The following TRMT6 variants were observed in gnomAD, a reference collection of about 807,000 sequenced individuals.
The protein encoded by TRMT6 is tRNA (adenine(58)-N(1))-methyltransferase non-catalytic subunit TRM6.
Under a neutral mutation model 59.0 loss-of-function variants are expected in TRMT6, and 34 were observed. That is an observed-to-expected ratio of 0.58 (90% CI 0.44 to 0.77). The LOEUF is 0.77. TRMT6 is among the 30% of genes least tolerant of loss of function. The pLI is 0.00. For missense variants in TRMT6, 575 were observed against 604.5 expected, an observed-to-expected ratio of 0.95 and a Z score of 0.51; for synonymous variants, 217 against 210.5, an observed-to-expected ratio of 1.03 and a Z score of -0.27.
chr20:5,939,051 C>A (rs538505089), intron 10 of TRMT6, among the ~76,000 whole-genome samples: 1 of 152,216 alleles, frequency 6.6e-6, no homozygotes, highest in South Asian at 2.1e-4. Context: ...GAACCTCCCA[C>A]TTTGGCTTTC....
At position 5,941,945 on chromosome 20, in the gene TRMT6, A is replaced by G; in HGVS notation, c.1112+6T>C. ...AGGAGTCTCCTGCCTTCTTCCATCA[A>G]CGCACCCATCTGCGTTTCTTTCACT... On this transcript the variant is annotated splice_donor_region_variant and intron_variant, in intron 8 of 10. Transcript: ENST00000203001. The G allele has an allele frequency of 6.2e-7, 1 of 1,612,566 alleles. No homozygotes were observed. The highest frequency in any genetic ancestry group is 8.5e-7 in the Non-Finnish European group (1 of 1,179,512).
At chr20:5,941,501 T>A (rs1278707965) in intron 8 of TRMT6, 156 bp from the exon 9 acceptor site, 1 of 633,078 alleles carries the variant, frequency 1.6e-6, no homozygotes, top group African/African-American at 1.8e-5. Flanking sequence ...CAGAATACAA[T>A]CATGAGCTAT....
chr20:5,937,521 C>T lies in TRMT6; in HGVS notation c.*1014G>A, dbSNP rs2088618082. 1 of 152,164 alleles carries T rather than the reference C, an allele frequency of 6.6e-6. No homozygotes were observed. Among genetic ancestry groups the T allele is most frequent in the Admixed American group, 6.5e-5 (1 of 15,286 alleles). The allele number at this position is 152,164 out of a possible 1,614,324, so 9.4% of individuals were successfully genotyped here. ...GTTTTTCAGAGCTTAGAAAGGGTAA[C>T]CATCTAATCATGACAGAGTTCTTCA... On this transcript the variant is annotated 3_prime_UTR_variant, in exon 11 of 11. Transcript: ENST00000203001.
Position 5,938,657 on chromosome 20 carries a change from T to C in TRMT6, c.1372A>G (p.Thr458Ala), listed in dbSNP as rs1441696186. 1.9e-6 allele frequency: 3 copies of C among 1,614,114 alleles called. No individual in the cohort carries two copies. Among genetic ancestry groups the C allele is most frequent in the Non-Finnish European group, 2.5e-6 (3 of 1,180,044 alleles). The change falls in exon 11 of 11, where the codon ACC becomes GCC. Residue 458 changes from threonine (T) to alanine (A), a missense_variant. Coordinates refer to ENST00000203001, the MANE Select transcript of TRMT6 (RefSeq NM_015939.5). ...GGGGYLLSGF[T>A]VAMDNLKADT... Reference sequence around the variant, plus strand: ...GCTTTAAGGTTGTCCATGGCAACGGTGAAGCCGGAGAGAAGATAACCCCCA... The same window carrying C: ...GCTTTAAGGTTGTCCATGGCAACGGCGAAGCCGGAGAGAAGATAACCCCCA...
rs778840994 is a variant in TRMT6, at chr20:5,944,880, T to C, written c.291A>G (p.Ile97Met). Residue 97 changes from isoleucine to methionine, a missense_variant, in exon 3 of 11, where the codon ATA becomes ATG. Ile to Met is a conservative substitution (Grantham distance 10). Coordinates refer to ENST00000203001, the MANE Select transcript of TRMT6 (RefSeq NM_015939.5). ...TKEAGTDNRN[I>M]VDDGKSQKLT... is the part of the protein sequence containing the mutation. ...GTTTCTGAGATTTCCCATCATCAAC[T>C]ATATTTCGATTATCAGTGCCCGCTT... 1 of 1,614,050 alleles carries C rather than the reference T, an allele frequency of 6.2e-7. No homozygotes were observed. The highest frequency in any genetic ancestry group is 1.1e-5 in the South Asian group (1 of 91,078).
intron 7 of TRMT6, 95 bp downstream of exon 7, chr20:5,942,333 C>T (rs775036456): frequency 1.8e-6 from 2 of 1,093,482 alleles, no homozygotes; most frequent in Non-Finnish European, 1.4e-6. Flanking sequence ...ATCTTGGGAG[C>T]TAATACACCA....
Position 5,938,650 on chromosome 20 carries a change from G to A in TRMT6, c.1379C>T (p.Ala460Val). 1 of 1,614,182 alleles carries A rather than the reference G, an allele frequency of 6.2e-7. No homozygotes were observed. The highest frequency in any genetic ancestry group is 8.5e-7 in the Non-Finnish European group (1 of 1,180,028). ...GGYLLSGFTV[A>V]MDNLKADTSL... ...GGTGTCTGCTTTAAGGTTGTCCATG[G>A]CAACGGTGAAGCCGGAGAGAAGATA... is the stretch of plus-strand genomic sequence containing the variant. Residue 460 changes from alanine to valine, a missense_variant, in exon 11 of 11, where the codon GCC becomes GTC. Physicochemically the swap from Ala to Val is moderately conservative, Grantham distance 64. Transcript: ENST00000203001.
chr20:5,939,486 G>GA (rs376972151), intron 10 of TRMT6, among the ~76,000 whole-genome samples: 1,324 of 78,854 alleles, frequency 0.017, 20 homozygotes, highest in Middle Eastern at 0.043. Context: ...TCTCAAAAAT[G>GA]AAAAAAAAAA....
chr20:5,944,973 T>C (rs963710477), intron 2 of TRMT6, 59 bp from the exon 3 acceptor site: 12 of 1,390,738 alleles, frequency 8.6e-6, no homozygotes, highest in Non-Finnish European at 1.2e-5. Flanking sequence ...ACACTTTCTT[T>C]TTCTGAGTTC....
rs370683761 is a variant in TRMT6 at position 5,947,657 on chromosome 20, G to T, written c.129-1124C>A. On this transcript the variant is annotated intron_variant, in intron 1 of 10. Coordinates refer to ENST00000203001, the MANE Select transcript of TRMT6 (RefSeq NM_015939.5). ...TACTTACATACAACAGAATGTAACA[G>T]ACACTCAAAATATTTGCTAATGTAA... Among the ~76,000 whole-genome samples, 104 of 152,332 alleles carry T rather than the reference G, an allele frequency of 6.8e-4. 1 individual carries two copies. In the South Asian group the frequency reaches 0.021, roughly 31 times the overall value.
At chr20:5,940,999 G>C in intron 10 of TRMT6, 54 bp downstream of exon 10, 1 of 1,363,402 alleles carries the variant, frequency 7.3e-7, no homozygotes, top group Non-Finnish European at 1.1e-6. Context: ...ACTACTGCAA[G>C]GAAAGTCAAG....
In TRMT6 at chr20:5,943,559, C is replaced by T. The variant is rs569187026; in HGVS notation, c.667G>A (p.Gly223Ser). The T allele has an allele frequency of 2.5e-6, 4 of 1,613,882 alleles. No individual in the cohort carries two copies. In the African/African-American group the frequency reaches 4.0e-5, roughly 16 times the overall value. The change falls in exon 6 of 11, where the codon GGT (glycine) becomes AGT (serine). Residue 223 changes from glycine (G) to serine (S), a missense_variant and splice_region_variant. Coordinates refer to ENST00000203001, the MANE Select transcript of TRMT6 (RefSeq NM_015939.5). ...TGAAAATGGAAATATTAAATCTTAC[C>T]TCCCATTCGTTCCATCATTGCACCC... Reference protein sequence around the residue: ...VLGAMMERMGGFGSIIQLYPG... With the variant: ...VLGAMMERMGSFGSIIQLYPG...
chr20:5,940,942 T>C, intron 10 of TRMT6, 111 bp downstream of exon 10: 1 of 885,628 alleles, frequency 1.1e-6, no homozygotes, highest in East Asian at 2.4e-5. Flanking sequence ...ATTACAGGCA[T>C]AAGCCACTGT....
Position 5,942,508 on chromosome 20 carries a change from C to A in TRMT6, c.946G>T (p.Glu316Ter). Residue 316 changes from glutamate to a stop codon, truncating the protein, a stop_gained, in exon 7 of 11, where the codon GAA becomes TAA. Transcript: ENST00000203001. LOFTEE classifies it high-confidence loss of function. ...ATTGTTTCCATTGTTTCCTGGTCTT[C>A]TGGGTGGTTGCTCTCTGGGGCCTCT... ...MAEAPESNHP[E>*]DQETMETISQ... is the part of the protein sequence containing the mutation. 8.7e-6 allele frequency: 14 copies of A among 1,614,092 alleles called. No homozygotes were observed. The highest frequency in any genetic ancestry group is 1.2e-5 in the Non-Finnish European group (14 of 1,180,022).
Position 5,938,114 on chromosome 20 carries a change from T to C in TRMT6, c.*421A>G, listed in dbSNP as rs2122594136. The C allele has an allele frequency of 6.5e-6, 1 of 154,840 alleles. No individual in the cohort carries two copies. Among genetic ancestry groups the C allele is most frequent in the East Asian group, 1.9e-4 (1 of 5,244 alleles). The allele number at this position is 154,840 out of a possible 1,614,324, so 9.6% of individuals were successfully genotyped here. A position where few individuals can be genotyped will look rare whatever the true frequency, so the allele number is the denominator to read the frequency against. Reference sequence around the variant, plus strand: ...CACACACTCACACATCCATATTGCTTAGGTTGAAGAGAACGGAATGAACAG... The same window carrying C: ...CACACACTCACACATCCATATTGCTCAGGTTGAAGAGAACGGAATGAACAG... On this transcript the variant is annotated 3_prime_UTR_variant, in exon 11 of 11. Coordinates refer to ENST00000203001, the MANE Select transcript of TRMT6 (RefSeq NM_015939.5).
In TRMT6 at chr20:5,938,697, C is replaced by T; in HGVS notation, c.1332G>A (p.Leu444=). The change falls in exon 11 of 11, where the codon CTG becomes CTA. Residue 444 remains leucine (L), a synonymous_variant. Transcript: ENST00000203001. The part of the protein sequence containing the change: ...QVLPDRSHPK[L]LMSGGGGYLL... The stretch of plus-strand genomic sequence containing the variant: ...GATAACCCCCACCTCCACTCATCAG[C>T]AGTTTAGGATGACTTCGATCTGGCA... The T allele has an allele frequency of 6.2e-7, 1 of 1,614,226 alleles. No homozygotes were observed. Among genetic ancestry groups the T allele is most frequent in the Admixed American group, 1.7e-5 (1 of 60,032 alleles).
Position 5,950,150 on chromosome 20 carries a change from G to A in TRMT6, c.128+128C>T, listed in dbSNP as rs138236511. ...CAGAAAGACCCGAGGAGACAACGAG[G>A]GCGGGGAATGGGGACCGAGAGAGCC... On this transcript the variant is annotated intron_variant, in intron 1 of 10. Coordinates refer to ENST00000203001, the MANE Select transcript of TRMT6 (RefSeq NM_015939.5). The A allele has an allele frequency of 4.5e-5, 44 of 972,422 alleles. No individual in the cohort carries two copies. In the East Asian group the frequency reaches 1.2e-3, roughly 26 times the overall value. 60.2% of individuals were successfully genotyped at this position (972,422 alleles called of 1,614,324 possible).
intron 2 of TRMT6, 32 bp from the exon 3 acceptor site, chr20:5,944,946 T>C (rs763739953): frequency 3.9e-6 from 6 of 1,527,678 alleles, no homozygotes; most frequent in South Asian, 3.4e-5. Context: ...TTGACATTTA[T>C]GGTCTGAAAT....
chr20:5,941,406 A>C, intron 8 of TRMT6, 61 bp from the exon 9 acceptor site: 1 of 1,197,596 alleles, frequency 8.4e-7, no homozygotes, highest in Admixed American at 1.9e-5. Context: ...CACAGGTTTT[A>C]AAATGCATTT....
Sources: allele counts gnomAD v4.1 joint callset (sites outside exome capture counted in the v4.1 genomes callset), GRCh38; gene constraint gnomAD v4.1.1; transcripts MANE v1.5; gene names NCBI Gene and HGNC (gene_info 2026-07-23, HGNC 2026-07-21).